Variants in PLOD1 observed in about 807,000 individuals in gnomAD.
PLOD1 encodes procollagen-lysine,2-oxoglutarate 5-dioxygenase 1.
In PLOD1, 70 loss-of-function variants were observed where a neutral mutation model predicts 94.7. The observed-to-expected ratio is 0.74, with a 90% CI of 0.61 to 0.90. The LOEUF is 0.90. Ranked by LOEUF, PLOD1 falls within the 40% of genes least tolerant of loss-of-function variation. The pLI, the probability that PLOD1 is intolerant of heterozygous loss-of-function variation, is 0.00. For synonymous variants in PLOD1, 417 were observed against 400.2 expected, an observed-to-expected ratio of 1.04 and a Z score of -0.50; for missense variants, 905 against 972.7, an observed-to-expected ratio of 0.93 and a Z score of 0.93.
At position 11,954,832 on chromosome 1, in the gene PLOD1, G is replaced by C. The variant is rs767195501; in HGVS notation, c.582G>C (p.Glu194Asp). The C allele has an allele frequency of 4.3e-6, 7 of 1,612,908 alleles. No homozygotes were observed. The highest frequency in any genetic ancestry group is 1.7e-4 in the Middle Eastern group (1 of 6,038). ...GTCTGGTACCTTCTTTCCTGCAGGAGCAGATCAATATCACCCTGGACCACC... is the reference window on the plus strand; with the variant it reads ...GTCTGGTACCTTCTTTCCTGCAGGACCAGATCAATATCACCCTGGACCACC... ...TKIFLDPEKREQINITLDHRC... is the reference protein window; with the variant it reads ...TKIFLDPEKRDQINITLDHRC... Residue 194 changes from glutamate to aspartate, a missense_variant and splice_region_variant, in exon 6 of 19, where the codon GAG becomes GAC. By Grantham distance (45) the Glu-to-Asp change is conservative. Coordinates refer to ENST00000196061, the MANE Select transcript of PLOD1 (RefSeq NM_000302.4).
Position 11,967,727 on chromosome 1 carries a change from CATTTT to C in PLOD1, c.1755+641_1755+645del, listed in dbSNP as rs1414058971. Among the ~76,000 whole-genome samples, 172 of 139,778 alleles carry C rather than the reference CATTTT, an allele frequency of 1.2e-3. 1 individual carries two copies. The highest frequency in any genetic ancestry group is 2.3e-3 in the Non-Finnish European group (153 of 66,368). 91.7% of individuals were successfully genotyped at this position (139,778 alleles called of 152,430 possible). ...GCTGGTTGTGAACCAGGCACAATTTCATTTTATTTATTTTAATTAATTAATTAATT... is the reference window on the plus strand; with the variant it reads ...GCTGGTTGTGAACCAGGCACAATTTCATTTATTTTAATTAATTAATTAATT... On this transcript the variant is annotated intron_variant, in intron 16 of 18. Coordinates refer to ENST00000196061, the MANE Select transcript of PLOD1 (RefSeq NM_000302.4).
At chr1:11,954,650 ACC>A (rs1645725748) in intron 5 of PLOD1, 178 bp from the exon 6 acceptor site, 1 of 772,744 alleles carries the variant, frequency 1.3e-6, no homozygotes, top group Admixed American at 1.7e-5. Flanking sequence ...TAGACTGTAG[ACC>A]CCAGGAGCTT....
At chr1:11,950,168 G>C (rs765667232) in intron 3 of PLOD1, among the ~76,000 whole-genome samples, 189 bp from the exon 4 acceptor site, 11 of 152,198 alleles carry the variant, frequency 7.2e-5, no homozygotes, top group Non-Finnish European at 1.2e-4. Flanking sequence ...TCTTTGCCCA[G>C]GGTGCGGGTG....
At chr1:11,946,498 G>A (rs537479045) in intron 1 of PLOD1, among the ~76,000 whole-genome samples, 59 of 152,340 alleles carry the variant, frequency 3.9e-4, no homozygotes, top group African/African-American at 1.3e-3. Context: ...AGAATCTAGA[G>A]CCATGTGATA....
intron 1 of PLOD1, among the ~76,000 whole-genome samples, chr1:11,946,066 T>A (rs1166579063): frequency 6.6e-6 from 1 of 152,084 alleles, no homozygotes; most frequent in Non-Finnish European, 1.5e-5. Flanking sequence ...ACATGCCTGA[T>A]CTCATTTAAT....
chr1:11,941,775 C>T (rs773731985), intron 1 of PLOD1, among the ~76,000 whole-genome samples: 8 of 152,082 alleles, frequency 5.3e-5, no homozygotes, highest in Admixed American at 1.3e-4. Context: ...TGAGCCACCG[C>T]GCCCGGACTA....
rs1335464969 is a variant in PLOD1 at position 11,952,607 on chromosome 1, A to G, written c.467-16A>G. 6.3e-7 allele frequency: 1 copy of G among 1,591,058 alleles called. No homozygotes were observed. The highest frequency in any genetic ancestry group is 2.2e-5 in the East Asian group (1 of 44,772). On this transcript the variant is annotated splice_polypyrimidine_tract_variant and intron_variant, in intron 4 of 18. Coordinates refer to ENST00000196061, the MANE Select transcript of PLOD1 (RefSeq NM_000302.4). ...GCTAAGGGTCCGTCTTGGTGTCCCC[A>G]CCCACCAACCTTCAGGCTTCATCGG...
intron 6 of PLOD1, among the ~76,000 whole-genome samples, chr1:11,956,001 A>T (rs1337291201): frequency 1.3e-5 from 2 of 152,058 alleles, no homozygotes; most frequent in African/African-American, 2.4e-5. Flanking sequence ...GGCTCAAGTG[A>T]TCCTCCCACC....
In PLOD1 at chr1:11,963,487, A is replaced by G. The variant is rs779852698; in HGVS notation, c.1098-45A>G. ...GTCACAGATGTGAGCAGCCACCAGT[A>G]GCTCCAGGATCAGGTGCACTGACCC... On this transcript the variant is annotated intron_variant, in intron 10 of 18. Transcript: ENST00000196061. The surrounding 1 kb of genome is among the most constrained non-coding windows in gnomAD (Gnocchi z 4.3). 5 of 1,262,468 alleles carry G rather than the reference A, an allele frequency of 4.0e-6. No individual in the cohort carries two copies. In the East Asian group the frequency reaches 1.2e-4, roughly 31 times the overall value. 78.2% of individuals were successfully genotyped at this position (1,262,468 alleles called of 1,614,324 possible).
intron 1 of PLOD1, among the ~76,000 whole-genome samples, chr1:11,936,618 G>A (rs1355048604): frequency 6.6e-6 from 1 of 151,986 alleles, no homozygotes; most frequent in African/African-American, 2.4e-5. Context: ...TGTCTCCTGG[G>A]TTCAAGCAAT....
chr1:11,965,700 G>T, intron 14 of PLOD1, 107 bp downstream of exon 14: 1 of 699,138 alleles, frequency 1.4e-6, no homozygotes. Flanking sequence ...ACCCCTGTAG[G>T]CCACCTGCCA....
chr1:11,934,742 C>A lies in PLOD1; in HGVS notation c.-38C>A. 1 of 1,518,636 alleles carries A rather than the reference C, an allele frequency of 6.6e-7. No individual in the cohort carries two copies. The highest frequency in any genetic ancestry group is 8.8e-7 in the Non-Finnish European group (1 of 1,139,950). 94.1% of individuals were successfully genotyped at this position (1,518,636 alleles called of 1,614,324 possible). A position where few individuals can be genotyped will look rare whatever the true frequency, so the allele number is the denominator to read the frequency against. Reference sequence around the variant, plus strand: ...GTCGCGAAGTTTCCAGCCCTGCGAGCGCCGCCGGGTCGGCCGATCGTCCCC... The same window carrying A: ...GTCGCGAAGTTTCCAGCCCTGCGAGAGCCGCCGGGTCGGCCGATCGTCCCC... On this transcript the variant is annotated 5_prime_UTR_variant, in exon 1 of 19. Coordinates refer to ENST00000196061, the MANE Select transcript of PLOD1 (RefSeq NM_000302.4).
At chr1:11,940,679 T>C (rs1391051339) in intron 1 of PLOD1, among the ~76,000 whole-genome samples, 3 of 152,226 alleles carry the variant, frequency 2.0e-5, no homozygotes, top group Non-Finnish European at 4.4e-5. Context: ...TGCTGGACTT[T>C]GGGCAGTAGG....
chr1:11,956,669 G>A (rs576165456), intron 6 of PLOD1, among the ~76,000 whole-genome samples: 17 of 152,284 alleles, frequency 1.1e-4, no homozygotes, highest in South Asian at 2.1e-4. Context: ...AGGGGTTGCC[G>A]TGGATTCTGT....
intron 5 of PLOD1, chr1:11,954,493 A>G: frequency 1.8e-6 from 1 of 569,838 alleles, no homozygotes; most frequent in Non-Finnish European, 3.5e-6. Flanking sequence ...TCTCAAAAAA[A>G]AGAATATTTG....
At chr1:11,941,465 G>A (rs1286438671) in intron 1 of PLOD1, among the ~76,000 whole-genome samples, 1 of 137,218 alleles carries the variant, frequency 7.3e-6, no homozygotes, top group Non-Finnish European at 1.5e-5. Context: ...CTAAGTAGCT[G>A]GGATTATTAT....
chr1:11,969,807 T>C (rs1243657888), intron 16 of PLOD1, among the ~76,000 whole-genome samples: 1 of 152,180 alleles, frequency 6.6e-6, no homozygotes, highest in African/African-American at 2.4e-5. Context: ...ACAGAATCTC[T>C]CTTCAGTATC....
At chr1:11,945,466 CAGAG>C (rs1645644086) in intron 1 of PLOD1, among the ~76,000 whole-genome samples, 1 of 151,632 alleles carries the variant, frequency 6.6e-6, no homozygotes, top group Non-Finnish European at 1.5e-5. Context: ...AAAGGGGACA[CAGAG>C]GGAGCCATGG....
intron 18 of PLOD1, among the ~76,000 whole-genome samples, 191 bp from the exon 19 acceptor site, chr1:11,974,462 C>T (rs1465583185): frequency 1.3e-5 from 2 of 152,166 alleles, no homozygotes; most frequent in Middle Eastern, 3.2e-3. Context: ...GGATTACAGG[C>T]GTGAGCCACC....
Sources: gnomAD v4.1 joint callset for allele counts (sites outside exome capture counted in the v4.1 genomes callset) on GRCh38, gnomAD v4.1.1 for gene constraint, Gnocchi (gnomAD v3.1) non-coding constraint, MANE v1.5 for transcripts, NCBI Gene and HGNC (gene_info 2026-07-23, HGNC 2026-07-21) for gene names.